The following APBB2 variants were observed in gnomAD, a reference collection of about 807,000 sequenced individuals.
APBB2 encodes amyloid beta precursor protein binding family B member 2, also known as Fe65-like 1.
Under a neutral mutation model 82.5 loss-of-function variants are expected in APBB2, and 38 were observed. The ratio of observed to expected loss-of-function variants is 0.46; its 90% CI spans 0.36 to 0.60. APBB2 has a LOEUF of 0.60. Ranked by LOEUF, APBB2 falls within the 20% of genes least tolerant of loss-of-function variation. The pLI, the probability that APBB2 is intolerant of heterozygous loss-of-function variation, is 0.00. For missense variants in APBB2, 772 were observed against 972.3 expected, an observed-to-expected ratio of 0.79 and a Z score of 2.74; for synonymous variants, 341 against 368.2, an observed-to-expected ratio of 0.93 and a Z score of 0.85.
intron 12 of APBB2, among the ~76,000 whole-genome samples, chr4:40,874,071 G>A (rs1176938314): frequency 6.6e-6 from 1 of 152,118 alleles, no homozygotes; most frequent in African/African-American, 2.4e-5. Flanking sequence ...CCAAATATAA[G>A]GAAGAGAAAG....
chr4:41,169,719 CA>C (rs1470476837), intron 1 of APBB2, among the ~76,000 whole-genome samples: 4 of 152,120 alleles, frequency 2.6e-5, no homozygotes, highest in African/African-American at 7.2e-5. Context: ...GAACATTTTC[CA>C]AACTGTAATC....
At chr4:40,820,744 C>G (rs1437600065) in intron 17 of APBB2, among the ~76,000 whole-genome samples, 3 of 152,114 alleles carry the variant, frequency 2.0e-5, no homozygotes, top group Admixed American at 6.5e-5. Flanking sequence ...AAAATCAGGC[C>G]CCCACACGCC....
chr4:40,927,766 T>C (rs980763703), intron 10 of APBB2, among the ~76,000 whole-genome samples: 24 of 152,204 alleles, frequency 1.6e-4, no homozygotes, highest in African/African-American at 5.5e-4. Flanking sequence ...ACTTAAAGCA[T>C]GAGCCACCGC....
At chr4:41,061,751 T>C (rs1729932855) in intron 4 of APBB2, among the ~76,000 whole-genome samples, 1 of 152,238 alleles carries the variant, frequency 6.6e-6, no homozygotes, top group Admixed American at 6.5e-5. Context: ...GATGCCATTC[T>C]GCATTCCATC....
chr4:41,095,010 C>G (rs549002183), intron 3 of APBB2, among the ~76,000 whole-genome samples: 5 of 152,174 alleles, frequency 3.3e-5, no homozygotes, highest in Non-Finnish European at 7.3e-5. Flanking sequence ...TAAATATGAT[C>G]AATTCAAGTT....
chr4:41,192,403 A>G (rs1560997766), intron 1 of APBB2, among the ~76,000 whole-genome samples: 1 of 152,228 alleles, frequency 6.6e-6, no homozygotes, highest in Admixed American at 6.5e-5. Flanking sequence ...GTCCATCTAC[A>G]AAGGAACAGA....
In APBB2 at chr4:41,006,995, G is replaced by A. The variant is rs1806949825; in HGVS notation, c.835+6588C>T. On this transcript the variant is annotated intron_variant, in intron 6 of 17. Transcript: ENST00000508593. ...TCTCGCTCTCATCAACTATGCAAGA[G>A]TTCCACTTTGCCTCAAGACTGGAAA... 2.6e-5 allele frequency among the ~76,000 whole-genome samples: 4 copies of A among 152,258 alleles called. No individual in the cohort carries two copies. The South Asian group carries it at 8.3e-4, about 32-fold the overall frequency.
rs1015163715 is a variant in APBB2, at chr4:40,812,614, G to A, written c.*3478C>T. The A allele has an allele frequency of 1.6e-5, 1 of 62,372 alleles. No homozygotes were observed. The highest frequency in any genetic ancestry group is 7.0e-5 in the African/African-American group (1 of 14,262). The allele number at this position is 62,372 out of a possible 1,614,324, so 3.9% of individuals were successfully genotyped here. The stretch of plus-strand genomic sequence containing the variant: ...GTTAGGAAAATGCTTGTCATGTTGT[G>A]GTGAAATCTTGAGGAGTTTGTGTTG... On this transcript the variant is annotated 3_prime_UTR_variant, in exon 18 of 18. Coordinates refer to ENST00000508593, the MANE Select transcript of APBB2 (RefSeq NM_004307.2).
chr4:41,086,942 ACACAC>A (rs371769603), intron 3 of APBB2, among the ~76,000 whole-genome samples: 75,094 of 147,850 alleles, frequency 0.51, 19,153 homozygotes, highest in Non-Finnish European at 0.57. Flanking sequence ...ACACACACAC[ACACAC>A]ACAAAAAACC....
At chr4:40,881,534 C>CAT in intron 12 of APBB2, 1 of 143,120 alleles carries the variant, frequency 7.0e-6, no homozygotes, top group Non-Finnish European at 1.2e-5. Context: ...TTTTCTTTTT[C>CAT]TTTTTTTTTT....
intron 6 of APBB2, among the ~76,000 whole-genome samples, chr4:41,005,797 T>C (rs928807031): frequency 6.6e-6 from 1 of 152,234 alleles, no homozygotes; most frequent in African/African-American, 2.4e-5. Flanking sequence ...AGAAAGATTT[T>C]TTACTTTTCA....
chr4:41,156,066 G>C (rs1310886326), intron 1 of APBB2, among the ~76,000 whole-genome samples: 1 of 151,566 alleles, frequency 6.6e-6, no homozygotes, highest in Non-Finnish European at 1.5e-5. Context: ...GACAGATATG[G>C]CTTTATGAAT....
intron 12 of APBB2, among the ~76,000 whole-genome samples, chr4:40,844,748 C>T (rs56344235): frequency 0.22 from 34,194 of 152,178 alleles, 4,421 homozygotes; most frequent in Non-Finnish European, 0.3. Context: ...GCAAGTCACA[C>T]AACCTCCCTA....
At chr4:40,902,648 C>T (rs968020161) in intron 10 of APBB2, among the ~76,000 whole-genome samples, 1 of 152,220 alleles carries the variant, frequency 6.6e-6, no homozygotes, top group African/African-American at 2.4e-5. Flanking sequence ...ATCCTTCCAC[C>T]TCAGCCTCCC....
chr4:40,862,473 G>A (rs1390783474), intron 12 of APBB2, among the ~76,000 whole-genome samples: 2 of 152,212 alleles, frequency 1.3e-5, no homozygotes, highest in Admixed American at 6.5e-5. Context: ...ACATCCATTT[G>A]TATGACACTT....
intron 1 of APBB2, among the ~76,000 whole-genome samples, chr4:41,193,054 A>G (rs924190058): frequency 3.3e-5 from 5 of 152,256 alleles, no homozygotes; most frequent in African/African-American, 1.2e-4. Context: ...CTAAAGGCTT[A>G]CTGGCTAAGA....
chr4:40,904,956 G>A (rs1295105317), intron 10 of APBB2, among the ~76,000 whole-genome samples: 1 of 152,056 alleles, frequency 6.6e-6, no homozygotes, highest in Non-Finnish European at 1.5e-5. Flanking sequence ...GAGCACTCAG[G>A]TAGAAAACAC....
chr4:41,092,455 C>T (rs1410245307), intron 3 of APBB2, among the ~76,000 whole-genome samples: 1 of 152,098 alleles, frequency 6.6e-6, no homozygotes, highest in African/African-American at 2.4e-5. Flanking sequence ...TAAGCAGCTA[C>T]AGACAACAAG....
intron 1 of APBB2, among the ~76,000 whole-genome samples, chr4:41,208,287 A>C (rs1778455907): frequency 6.6e-6 from 1 of 152,120 alleles, no homozygotes; most frequent in Non-Finnish European, 1.5e-5. Context: ...TTTGAGACAG[A>C]GTCTCGCCCT....
Sources: gnomAD v4.1 joint callset for allele counts (sites outside exome capture counted in the v4.1 genomes callset) on GRCh38, gnomAD v4.1.1 for gene constraint, MANE v1.5 for transcripts, NCBI Gene and HGNC (gene_info 2026-07-23, HGNC 2026-07-21) for gene names.